Variants in CDH12 observed in about 807,000 individuals in gnomAD.
The protein encoded by CDH12 is cadherin 12.
A neutral mutation model predicts 74.1 loss-of-function variants in CDH12; 41 were observed. That is an observed-to-expected ratio of 0.55 (90% confidence interval 0.43 to 0.72). The LOEUF (loss-of-function observed/expected upper bound fraction) is 0.72. Among genes scored for constraint, CDH12 ranks in the 30% least tolerant of loss-of-function variants. The pLI is 0.00. For missense variants in CDH12, 945 were observed against 977.2 expected (o/e 0.97, Z 0.44); for synonymous variants, 399 against 355.0 (o/e 1.12, Z -1.39).
chr5:22,104,514 TTTG>T, intron 4 of CDH12, among the ~76,000 whole-genome samples: 1 of 152,298 alleles, frequency 6.6e-6, no homozygotes, highest in South Asian at 2.1e-4. Context: ...AATTGTTTGT[TTTG>T]TTATTAGCAG....
Position 21,856,048 on chromosome 5 carries a change from T to G in CDH12, c.527-1258A>C, listed in dbSNP as rs10472470. On this transcript the variant is annotated intron_variant, in intron 6 of 14. Coordinates refer to ENST00000382254, the MANE Select transcript of CDH12 (RefSeq NM_004061.5). ...CAGCCTTTCCCAAGAAAAGAAACTT[T>G]TAGAGGGAACTTTTAGAGAGAATGT... 8.6e-3 allele frequency among the ~76,000 whole-genome samples: 1,305 copies of G among 151,776 alleles called. 13 individuals are homozygous for G. Among genetic ancestry groups the G allele is most frequent in the African/African-American group, 0.03 (1,238 of 41,478 alleles).
chr5:22,301,386 A>C (rs1737873115), intron 3 of CDH12, among the ~76,000 whole-genome samples: 1 of 152,222 alleles, frequency 6.6e-6, no homozygotes, highest in Non-Finnish European at 1.5e-5. Flanking sequence ...GATAAGAAAC[A>C]TTTACTGTCA....
chr5:22,505,509 AATAT>A (rs1314211222), intron 1 of CDH12, 145 bp from the exon 2 acceptor site: 4 of 156,038 alleles, frequency 2.6e-5, no homozygotes, highest in African/African-American at 9.6e-5. Flanking sequence ...CACTATTGCT[AATAT>A]CTTACATTAT....
Position 22,295,007 on chromosome 5 carries a change from A to C in CDH12, c.-332-82364T>G, listed in dbSNP as rs528591620. Among the ~76,000 whole-genome samples the C allele has an allele frequency of 1.5e-4, 23 of 152,220 alleles. No homozygotes were observed. The East Asian group carries it at 4.3e-3, about 28-fold the overall frequency. ...TAAGAGCCTAACTTCAATAAGCACCAATCAGCAACAGAGATGGCCTAATCA... is the reference window on the plus strand; with the variant it reads ...TAAGAGCCTAACTTCAATAAGCACCCATCAGCAACAGAGATGGCCTAATCA... On this transcript the variant is annotated intron_variant, in intron 3 of 14. Transcript: ENST00000382254.
chr5:22,019,556 G>A (rs1326063200), intron 5 of CDH12, among the ~76,000 whole-genome samples: 1 of 152,164 alleles, frequency 6.6e-6, no homozygotes, highest in African/African-American at 2.4e-5. Flanking sequence ...GAAGAGACTA[G>A]AGCTCTCTGT....
At chr5:22,137,506 T>C (rs1460407385) in intron 4 of CDH12, among the ~76,000 whole-genome samples, 1 of 152,066 alleles carries the variant, frequency 6.6e-6, no homozygotes, top group Non-Finnish European at 1.5e-5. Flanking sequence ...TCTTTCATTG[T>C]AAGTTCCCCT....
chr5:22,275,544 A>G (rs974993040), intron 3 of CDH12, among the ~76,000 whole-genome samples: 1 of 152,142 alleles, frequency 6.6e-6, no homozygotes, highest in Non-Finnish European at 1.5e-5. Flanking sequence ...GAGTCATGGT[A>G]GTTGAATATT....
chr5:21,870,885 C>T (rs1216475471), intron 6 of CDH12, among the ~76,000 whole-genome samples: 2 of 152,116 alleles, frequency 1.3e-5, no homozygotes, highest in South Asian at 2.1e-4. Flanking sequence ...GCGTATGCTA[C>T]CACACCCAGC....
At chr5:22,594,089 C>T (rs1306711919) in intron 1 of CDH12, among the ~76,000 whole-genome samples, 1 of 152,114 alleles carries the variant, frequency 6.6e-6, no homozygotes, top group Non-Finnish European at 1.5e-5. Flanking sequence ...CTAAAGAGGG[C>T]CTGATACCCA....
At chr5:22,177,983 A>G (rs1479131535) in intron 4 of CDH12, among the ~76,000 whole-genome samples, 1 of 152,198 alleles carries the variant, frequency 6.6e-6, no homozygotes, top group East Asian at 1.9e-4. Context: ...AAATGAAGAT[A>G]TCACTACTGA....
At chr5:22,547,887 C>T (rs772578357) in intron 1 of CDH12, among the ~76,000 whole-genome samples, 23 of 152,072 alleles carry the variant, frequency 1.5e-4, no homozygotes, top group Non-Finnish European at 2.8e-4. Flanking sequence ...GCACTATTTC[C>T]GCCCATGGAA....
At chr5:22,632,352 T>A (rs1388942154) in intron 1 of CDH12, among the ~76,000 whole-genome samples, 2 of 152,094 alleles carry the variant, frequency 1.3e-5, no homozygotes, top group African/African-American at 4.8e-5. Flanking sequence ...GCTAATACAT[T>A]AAATAAATAC....
At chr5:22,113,863 T>C (rs1000247526) in intron 4 of CDH12, among the ~76,000 whole-genome samples, 2 of 152,206 alleles carry the variant, frequency 1.3e-5, no homozygotes, top group African/African-American at 4.8e-5. Context: ...ATTCCTATTT[T>C]AATAATATTT....
chr5:22,590,382 C>T (rs1009559997), intron 1 of CDH12, among the ~76,000 whole-genome samples: 5 of 151,954 alleles, frequency 3.3e-5, no homozygotes, highest in Admixed American at 2.6e-4. Context: ...CATGGAATTA[C>T]CACTTGATAT....
At chr5:21,819,577 G>A (rs1179073004) in intron 8 of CDH12, among the ~76,000 whole-genome samples, 1 of 151,956 alleles carries the variant, frequency 6.6e-6, no homozygotes, top group Admixed American at 6.6e-5. Flanking sequence ...ATAAATGAGT[G>A]TTAGAAAAAG....
chr5:22,591,799 C>T (rs574795441), intron 1 of CDH12, among the ~76,000 whole-genome samples: 1 of 152,268 alleles, frequency 6.6e-6, no homozygotes, highest in East Asian at 1.9e-4. Context: ...TGGACCTTGT[C>T]ATCACCCAGG....
chr5:22,662,685 T>A (rs562141360), intron 1 of CDH12, among the ~76,000 whole-genome samples: 99 of 152,302 alleles, frequency 6.5e-4, no homozygotes, highest in African/African-American at 2.2e-3. Context: ...CCTTAAAAAA[T>A]TTTTTTGATG....
intron 2 of CDH12, among the ~76,000 whole-genome samples, chr5:22,453,197 T>G (rs970416958): frequency 6.6e-6 from 1 of 151,952 alleles, no homozygotes; most frequent in Non-Finnish European, 1.5e-5. Context: ...AAGCTAAAAA[T>G]AAAATTACCA....
At chr5:22,270,664 TTTTA>T (rs1357839047) in intron 3 of CDH12, among the ~76,000 whole-genome samples, 4 of 151,622 alleles carry the variant, frequency 2.6e-5, no homozygotes, top group South Asian at 2.1e-4. Context: ...TTTATTTCAA[TTTTA>T]TTTATTTATT....
Sources: allele counts gnomAD v4.1 joint callset (sites outside exome capture counted in the v4.1 genomes callset), GRCh38; gene constraint gnomAD v4.1.1; transcripts MANE v1.5; gene names NCBI Gene and HGNC (gene_info 2026-07-23, HGNC 2026-07-21).